ACSL3: variants seen among roughly 807,000 people sequenced by gnomAD.
The protein encoded by ACSL3 is acyl-CoA synthetase long chain family member 3.
Under a neutral mutation model 84.7 loss-of-function variants are expected in ACSL3, and 34 were observed. That is an observed-to-expected ratio of 0.40 (90% CI 0.31 to 0.53). ACSL3 has a LOEUF of 0.53. ACSL3 is among the 20% of genes least tolerant of loss of function. ACSL3 has a pLI of 0.48. For missense variants in ACSL3, 680 were observed against 873.1 expected (o/e 0.78, Z 2.79); for synonymous variants, 315 against 299.4 (o/e 1.05, Z -0.54).
intron 4 of ACSL3, among the ~76,000 whole-genome samples, chr2:222,913,474 T>C (rs1208750778): frequency 2.0e-5 from 3 of 152,154 alleles, no homozygotes; most frequent in Non-Finnish European, 2.9e-5. Context: ...TCTCCTTTCA[T>C]CCTATTTATT....
intron 1 of ACSL3, among the ~76,000 whole-genome samples, chr2:222,879,445 A>G (rs1695535919): frequency 6.6e-6 from 1 of 152,192 alleles, no homozygotes; most frequent in Non-Finnish European, 1.5e-5. Context: ...ATCTCAGGCT[A>G]CTTGTGATTA....
intron 11 of ACSL3, among the ~76,000 whole-genome samples, chr2:222,924,797 G>A (rs1245008697): frequency 6.6e-6 from 1 of 152,140 alleles, no homozygotes; most frequent in Non-Finnish European, 1.5e-5. Context: ...GCCGAGGCAG[G>A]TGGATCATGA....
Position 222,867,955 on chromosome 2 carries a change from TCTTTA to T in ACSL3, c.-207+6703_-207+6707del, listed in dbSNP as rs369955947. 8.5e-4 allele frequency among the ~76,000 whole-genome samples: 128 copies of T among 151,364 alleles called. 1 individual carries two copies. Among genetic ancestry groups the T allele is most frequent in the South Asian group, 7.3e-3 (35 of 4,810 alleles). On this transcript the variant is annotated intron_variant, in intron 1 of 16. Coordinates refer to ENST00000357430, the MANE Select transcript of ACSL3 (RefSeq NM_004457.5). ...TTTCCTCGAAGGCTCTTTTTAGTAA[TCTTTA>T]CTTTAGTTAACTTTCTTTGCTTTTT...
intron 2 of ACSL3, among the ~76,000 whole-genome samples, chr2:222,898,885 A>G (rs925642066): frequency 2.0e-5 from 3 of 152,214 alleles, no homozygotes; most frequent in African/African-American, 7.2e-5. Context: ...CTGTAAATTT[A>G]TATTTGGTAT....
intron 1 of ACSL3, among the ~76,000 whole-genome samples, chr2:222,877,042 G>A (rs533253126): frequency 9.2e-4 from 140 of 152,274 alleles, no homozygotes; most frequent in African/African-American, 3.3e-3. Flanking sequence ...GACATACCAA[G>A]CATAAAGGCA....
At chr2:222,907,013 C>T (rs932968142) in intron 3 of ACSL3, among the ~76,000 whole-genome samples, 1 of 152,202 alleles carries the variant, frequency 6.6e-6, no homozygotes, top group Non-Finnish European at 1.5e-5. Flanking sequence ...TGTGTTCTTA[C>T]AGCCTGCTTC....
At position 222,928,875 on chromosome 2, in the gene ACSL3, T is replaced by C. The variant is rs373896533; in HGVS notation, c.1479T>C (p.Asn493=). ...TTTAATTCCTAGTGTGGGACTACAA[T>C]ACTGGCAGAGTGGGAGCACCATTAG... The part of the protein sequence containing the change: ...AGTISEVWDY[N]TGRVGAPLVC... The change falls in exon 13 of 17, where the codon AAT becomes AAC. Residue 493 remains asparagine, a synonymous_variant. Coordinates refer to ENST00000357430, the MANE Select transcript of ACSL3 (RefSeq NM_004457.5). 6.2e-6 allele frequency: 10 copies of C among 1,613,722 alleles called. No individual in the cohort carries two copies. Among genetic ancestry groups the C allele is most frequent in the East Asian group, 2.2e-5 (1 of 44,830 alleles).
chr2:222,866,840 CTTTTTTT>C (rs768574686), intron 1 of ACSL3, among the ~76,000 whole-genome samples: 2 of 111,870 alleles, frequency 1.8e-5, no homozygotes, highest in African/African-American at 3.3e-5. Context: ...TTTTCTTTTT[CTTTTTTT>C]TTTTTGAGAC....
At chr2:222,932,286 G>A (rs1307129778) in intron 14 of ACSL3, among the ~76,000 whole-genome samples, 2 of 152,206 alleles carry the variant, frequency 1.3e-5, no homozygotes, top group African/African-American at 4.8e-5. Flanking sequence ...GAACATACTT[G>A]AAGCCCTGCT....
intron 2 of ACSL3, among the ~76,000 whole-genome samples, chr2:222,892,837 T>C (rs140974567): frequency 7.6e-4 from 115 of 152,238 alleles, no homozygotes; most frequent in Middle Eastern, 3.4e-3. Context: ...GAGAATTAAA[T>C]GAGATAACAT....
At chr2:222,867,980 C>CT (rs35688859) in intron 1 of ACSL3, among the ~76,000 whole-genome samples, 1,476 of 140,214 alleles carry the variant, frequency 0.011, 23 homozygotes, top group African/African-American at 0.031. Context: ...ACTTTCTTTG[C>CT]TTTTTTTTTT....
chr2:222,871,675 A>T (rs1324131026), intron 1 of ACSL3, among the ~76,000 whole-genome samples: 4 of 152,188 alleles, frequency 2.6e-5, no homozygotes, highest in Admixed American at 2.6e-4. Context: ...TCCAGGAAGG[A>T]CATGGTTGTC....
chr2:222,896,165 T>C (rs1309728642), intron 2 of ACSL3, among the ~76,000 whole-genome samples: 1 of 5,708 alleles, frequency 1.8e-4, no homozygotes, highest in Non-Finnish European at 2.4e-4. Context: ...TGCTGACCCC[T>C]CCACCTCCCT....
chr2:222,895,014 C>G (rs1476949951), intron 2 of ACSL3, among the ~76,000 whole-genome samples: 1 of 152,104 alleles, frequency 6.6e-6, no homozygotes, highest in Admixed American at 6.6e-5. Context: ...ATCCCCAAAT[C>G]TGTAAATATG....
intron 2 of ACSL3, among the ~76,000 whole-genome samples, chr2:222,889,418 G>A (rs1695794141): frequency 6.6e-6 from 1 of 152,222 alleles, no homozygotes; most frequent in South Asian, 2.1e-4. Context: ...TAAAGGGAAT[G>A]TCATGAACTA....
At chr2:222,908,702 G>T in intron 3 of ACSL3, 31 bp from the exon 4 acceptor site, 1 of 1,371,320 alleles carries the variant, frequency 7.3e-7, no homozygotes, top group South Asian at 1.3e-5. Flanking sequence ...AAATGATTTT[G>T]AACTAACGCC....
chr2:222,903,592 G>C (rs1372613384), intron 3 of ACSL3, among the ~76,000 whole-genome samples: 3 of 152,174 alleles, frequency 2.0e-5, no homozygotes, highest in East Asian at 3.9e-4. Flanking sequence ...AATATTAAAT[G>C]ATAGGATTGA....
Position 222,942,960 on chromosome 2 carries a change from A to C in ACSL3, c.*1306A>C, listed in dbSNP as rs1697358249. Reference sequence around the variant, plus strand: ...TGTCTGTTGTTATATCTGGATTATCAAAAGCAATAGTGCACCAATTAAGAT... The same window carrying C: ...TGTCTGTTGTTATATCTGGATTATCCAAAGCAATAGTGCACCAATTAAGAT... On this transcript the variant is annotated 3_prime_UTR_variant, in exon 17 of 17. Coordinates refer to ENST00000357430, the MANE Select transcript of ACSL3 (RefSeq NM_004457.5). 4.4e-6 allele frequency: 1 copy of C among 225,390 alleles called. No homozygotes were observed. The highest frequency in any genetic ancestry group is 1.8e-4 in the South Asian group (1 of 5,484). The allele number at this position is 225,390 out of a possible 1,614,324, so 14.0% of individuals were successfully genotyped here.
At chr2:222,919,350 T>G (rs2119157) in intron 7 of ACSL3, 148 bp downstream of exon 7, 535,856 of 668,382 alleles carry the variant, frequency 0.8, 216,819 homozygotes, top group East Asian at 0.98. Context: ...TAGGTATACT[T>G]TCATCTTGTC....
Sources: gnomAD v4.1 joint callset for allele counts (sites outside exome capture counted in the v4.1 genomes callset) on GRCh38, gnomAD v4.1.1 for gene constraint, MANE v1.5 for transcripts, NCBI Gene and HGNC (gene_info 2026-07-23, HGNC 2026-07-21) for gene names.